The following CTNND2 variants were observed in gnomAD, a reference collection of about 807,000 sequenced individuals.
The protein encoded by CTNND2 is catenin delta 2.
In CTNND2, 22 loss-of-function variants were observed where a neutral mutation model predicts 144.4. That is an observed-to-expected ratio of 0.15 (90% CI 0.11 to 0.22). The LOEUF (loss-of-function observed/expected upper bound fraction) is 0.22, where lower values mean the gene tolerates loss of function less well. Among genes scored for constraint, CTNND2 ranks in the 10% least tolerant of loss-of-function variants. The pLI is 1.00. For synonymous variants in CTNND2, 751 were observed against 695.6 expected, an observed-to-expected ratio of 1.08 and a Z score of -1.25; for missense variants, 1,353 against 1,618.8, an observed-to-expected ratio of 0.84 and a Z score of 2.82.
intron 1 of CTNND2, among the ~76,000 whole-genome samples, chr5:11,869,872 T>C (rs922217922): frequency 2.0e-5 from 3 of 152,160 alleles, no homozygotes; most frequent in African/African-American, 7.2e-5. Flanking sequence ...ACTAAGGTGT[T>C]AGGAACAAAA....
At chr5:11,510,376 A>C (rs1288157797) in intron 3 of CTNND2, among the ~76,000 whole-genome samples, 1 of 152,196 alleles carries the variant, frequency 6.6e-6, no homozygotes, top group Middle Eastern at 3.2e-3. Context: ...TTCCCAAGCT[A>C]CTCAGCCTAA....
Position 11,022,783 on chromosome 5 carries a change from T to G in CTNND2, c.2985A>C (p.Lys995Asn). Residue 995 changes from lysine (K) to asparagine (N), a missense_variant, in exon 17 of 22, where the codon AAA becomes AAC. Lys to Asn is a moderately conservative substitution (Grantham distance 94, BLOSUM62 0). Transcript: ENST00000304623. ...AGGTAACTTACTTATCTCCTTTGCT[T>G]TTGGAGATGCCGACCAACTTCTCGA... ...GGIEKLVGISKSKGDKHSPKV... is the reference protein window; with the variant it reads ...GGIEKLVGISNSKGDKHSPKV... 1 of 1,613,998 alleles carries G rather than the reference T, an allele frequency of 6.2e-7. No individual in the cohort carries two copies. The highest frequency in any genetic ancestry group is 8.5e-7 in the Non-Finnish European group (1 of 1,179,952).
At chr5:10,996,757 C>A (rs1472375003) in intron 18 of CTNND2, among the ~76,000 whole-genome samples, 2 of 152,118 alleles carry the variant, frequency 1.3e-5, no homozygotes, top group African/African-American at 4.8e-5. Flanking sequence ...CACCACCACA[C>A]CCAGCTAATT....
intron 1 of CTNND2, among the ~76,000 whole-genome samples, chr5:11,878,382 A>C (rs1195155473): frequency 6.6e-6 from 1 of 152,188 alleles, no homozygotes; most frequent in African/African-American, 2.4e-5. Flanking sequence ...ATGAGCTCCC[A>C]AGAGACAAGG....
rs58677308 is a variant in CTNND2 at position 11,424,605 on chromosome 5, C to CGT, written c.288-12538_288-12537dup. On this transcript the variant is annotated intron_variant, in intron 3 of 21. Coordinates refer to ENST00000304623, the MANE Select transcript of CTNND2 (RefSeq NM_001332.4). ...AGGGGCTAGGCGAAGTTAGAAGAGA[C>CGT]GTGTGTGTGTGTGTGTATGTTTGGC... is the stretch of plus-strand genomic sequence containing the variant. Among the ~76,000 whole-genome samples the CGT allele has an allele frequency of 1.9e-3, 287 of 150,252 alleles. 1 individual carries two copies. The highest frequency in any genetic ancestry group is 5.3e-3 in the African/African-American group (219 of 40,984).
chr5:10,983,221 G>T (rs1561118823), intron 20 of CTNND2, among the ~76,000 whole-genome samples: 1 of 152,102 alleles, frequency 6.6e-6, no homozygotes. Context: ...TTATTTGATT[G>T]TTATACACTG....
chr5:11,323,116 G>T (rs1752194581), intron 9 of CTNND2, among the ~76,000 whole-genome samples: 1 of 151,890 alleles, frequency 6.6e-6, no homozygotes, highest in African/African-American at 2.4e-5. Context: ...ACATCTCACT[G>T]CAGCCTTGAA....
chr5:11,275,892 C>T (rs1027242387), intron 9 of CTNND2, among the ~76,000 whole-genome samples: 1 of 152,212 alleles, frequency 6.6e-6, no homozygotes, highest in African/African-American at 2.4e-5. Flanking sequence ...GAGAAACATA[C>T]AATTTGTAGA....
At chr5:11,836,929 C>G (rs182263636) in intron 1 of CTNND2, among the ~76,000 whole-genome samples, 1 of 152,260 alleles carries the variant, frequency 6.6e-6, no homozygotes, top group African/African-American at 2.4e-5. Flanking sequence ...GGCAAAAGCT[C>G]CAAGCGGGGC....
intron 8 of CTNND2, among the ~76,000 whole-genome samples, chr5:11,355,036 C>T (rs1755717453): frequency 6.6e-6 from 1 of 151,968 alleles, no homozygotes; most frequent in African/African-American, 2.4e-5. Flanking sequence ...TAAAAATTTC[C>T]TTGTGACAAA....
intron 18 of CTNND2, among the ~76,000 whole-genome samples, chr5:10,999,136 C>CTTT (rs1170768817): frequency 1.3e-5 from 2 of 152,178 alleles, no homozygotes; most frequent in African/African-American, 2.4e-5. Flanking sequence ...TAATGTTTCA[C>CTTT]TTTTTAAATA....
chr5:11,446,872 AG>A (rs1218426398), intron 3 of CTNND2, among the ~76,000 whole-genome samples: 6 of 152,124 alleles, frequency 3.9e-5, no homozygotes, highest in African/African-American at 1.4e-4. Flanking sequence ...CACTAGGAGC[AG>A]GGGAGTGTTG....
intron 1 of CTNND2, among the ~76,000 whole-genome samples, chr5:11,878,019 T>C (rs918668351): frequency 6.6e-6 from 1 of 152,106 alleles, no homozygotes; most frequent in Non-Finnish European, 1.5e-5. Flanking sequence ...AGAAAAGAAA[T>C]GTAGAAGGCA....
At chr5:11,337,207 G>C (rs1753821369) in intron 9 of CTNND2, among the ~76,000 whole-genome samples, 1 of 152,168 alleles carries the variant, frequency 6.6e-6, no homozygotes, top group Admixed American at 6.5e-5. Context: ...TACAATCTGT[G>C]CATCCAACTG....
chr5:11,498,987 C>A (rs1041687010), intron 3 of CTNND2, among the ~76,000 whole-genome samples: 1 of 152,108 alleles, frequency 6.6e-6, no homozygotes, highest in African/African-American at 2.4e-5. Flanking sequence ...CATTAAAATG[C>A]AGACTTCATG....
At chr5:11,807,987 T>C (rs993692240) in intron 1 of CTNND2, among the ~76,000 whole-genome samples, 10 of 152,202 alleles carry the variant, frequency 6.6e-5, no homozygotes, top group African/African-American at 2.4e-4. Flanking sequence ...TCAGTAATAG[T>C]GGCTCCCTAC....
At chr5:11,633,505 C>T (rs767497205) in intron 2 of CTNND2, among the ~76,000 whole-genome samples, 12 of 152,264 alleles carry the variant, frequency 7.9e-5, no homozygotes, top group East Asian at 7.7e-4. Context: ...AGGCCAGGCA[C>T]GGTGGCTCAT....
At chr5:11,401,731 C>G (rs1232600126) in intron 5 of CTNND2, among the ~76,000 whole-genome samples, 1 of 152,152 alleles carries the variant, frequency 6.6e-6, no homozygotes, top group Non-Finnish European at 1.5e-5. Context: ...ACTGAGGGAT[C>G]CATTAACTGA....
chr5:11,257,159 C>T (rs150163549), intron 9 of CTNND2, among the ~76,000 whole-genome samples: 120 of 152,254 alleles, frequency 7.9e-4, no homozygotes, highest in African/African-American at 2.8e-3. Flanking sequence ...AATGGTGTAG[C>T]AGTAGGTTTT....
Sources: gnomAD v4.1 joint callset for allele counts (sites outside exome capture counted in the v4.1 genomes callset) on GRCh38, gnomAD v4.1.1 for gene constraint, MANE v1.5 for transcripts, NCBI Gene and HGNC (gene_info 2026-07-23, HGNC 2026-07-21) for gene names.